Variants in CENPE observed in about 807,000 individuals in gnomAD.
CENPE encodes centromere protein E.
A neutral mutation model predicts 336.1 loss-of-function variants in CENPE; 145 were observed. The observed-to-expected ratio is 0.43, with a 90% CI of 0.38 to 0.50. CENPE has a LOEUF of 0.50. CENPE is among the 20% of genes least tolerant of loss of function. CENPE has a pLI of 0.00. For synonymous variants in CENPE, 1,013 were observed against 984.8 expected (o/e 1.03, Z -0.54); for missense variants, 2,719 against 3,023.3 (o/e 0.90, Z 2.36).
chr4:103,160,495 C>G (rs1754345898), intron 21 of CENPE, 130 bp downstream of exon 21: 2 of 626,924 alleles, frequency 3.2e-6, no homozygotes, highest in Non-Finnish European at 5.3e-6. Context: ...CTATTTCTAA[C>G]TAGTCAAAAC....
intron 9 of CENPE, among the ~76,000 whole-genome samples, chr4:103,184,336 G>A (rs924180350): frequency 6.6e-6 from 1 of 152,184 alleles, no homozygotes; most frequent in African/African-American, 2.4e-5. Context: ...GCAGGTGCAA[G>A]CTAAACCATT....
chr4:103,176,881 C>G lies in CENPE; in HGVS notation c.1390+18G>C. The G allele has an allele frequency of 6.5e-7, 1 of 1,543,480 alleles. No individual in the cohort carries two copies. On this transcript the variant is annotated intron_variant, in intron 14 of 48. Coordinates refer to ENST00000265148, the MANE Select transcript of CENPE (RefSeq NM_001813.3). Reference sequence around the variant, plus strand: ...GCTTTTATAATTAAACATAGTTCCACTTGAAAAAAGCACTCACATTCATCA... The same window carrying G: ...GCTTTTATAATTAAACATAGTTCCAGTTGAAAAAAGCACTCACATTCATCA...
In CENPE at chr4:103,196,037, A is replaced by G; in HGVS notation, c.240T>C (p.Gly80=). 1 of 1,609,550 alleles carries G rather than the reference A, an allele frequency of 6.2e-7. No homozygotes were observed. The highest frequency in any genetic ancestry group is 8.5e-7 in the Non-Finnish European group (1 of 1,175,910). ...CAGTCTGTCCATAGGCAAATATAGTACCTGCAAAAAACAAAACACACATAC... is the reference window on the plus strand; with the variant it reads ...CAGTCTGTCCATAGGCAAATATAGTGCCTGCAAAAAACAAAACACACATAC... ...IIDSAIQGYN[G]TIFAYGQTAS... Residue 80 remains glycine (G), a splice_region_variant and synonymous_variant, in exon 4 of 49, where the codon GGT becomes GGC. Transcript: ENST00000265148.
At chr4:103,111,061 G>C in intron 46 of CENPE, 50 bp from the exon 47 acceptor site, 1 of 1,351,918 alleles carries the variant, frequency 7.4e-7, no homozygotes, top group Non-Finnish European at 1.0e-6. Flanking sequence ...TGTCTCCAAA[G>C]TTCAAAATAA....
chr4:103,145,286 T>C lies in CENPE; in HGVS notation c.4621A>G (p.Ser1541Gly), dbSNP rs1229860087. The C allele has an allele frequency of 3.8e-6, 6 of 1,598,880 alleles. No individual in the cohort carries two copies. Among genetic ancestry groups the C allele is most frequent in the Admixed American group, 3.4e-5 (2 of 59,282 alleles). Reference sequence around the variant, plus strand: ...TCATTCACTTTTTCCTGAACCTCACTAATTTGTTTTATATTAAATTGTTCC... The same window carrying C: ...TCATTCACTTTTTCCTGAACCTCACCAATTTGTTTTATATTAAATTGTTCC... The part of the protein sequence containing the change: ...KEEQFNIKQI[S>G]EVQEKVNELK... The change falls in exon 32 of 49, where the codon AGT becomes GGT. Residue 1541 changes from serine to glycine, a missense_variant. Physicochemically the swap from Ser to Gly is moderately conservative, Grantham distance 56. Transcript: ENST00000265148.
intron 16 of CENPE, among the ~76,000 whole-genome samples, chr4:103,174,260 C>T (rs1157529446): frequency 6.6e-6 from 1 of 151,766 alleles, no homozygotes; most frequent in East Asian, 1.9e-4. Context: ...ACAAATACTG[C>T]ATGATCTCAC....
intron 39 of CENPE, 32 bp downstream of exon 39, chr4:103,138,319 A>T (rs774381613): frequency 2.1e-6 from 3 of 1,418,152 alleles, no homozygotes. Context: ...GACAACCAAT[A>T]ATCATTTGTA....
chr4:103,145,592 T>G lies in CENPE; in HGVS notation c.4503A>C (p.Ser1501=). 1 of 1,611,276 alleles carries G rather than the reference T, an allele frequency of 6.2e-7. No individual in the cohort carries two copies. Among genetic ancestry groups the G allele is most frequent in the East Asian group, 2.2e-5 (1 of 44,744 alleles). The change falls in exon 31 of 49, where the codon TCA becomes TCC. Residue 1501 remains serine, a synonymous_variant. Coordinates refer to ENST00000265148, the MANE Select transcript of CENPE (RefSeq NM_001813.3). ...TGGTTGATATTTCAGTTTCCTTCTC[T>G]GAAAGATTCACTCTTAACTCATTAA... ...ETINELRVNL[S]EKETEISTIQ...
intron 16 of CENPE, among the ~76,000 whole-genome samples, chr4:103,171,570 A>G (rs556025736): frequency 2.1e-4 from 32 of 152,090 alleles, no homozygotes; most frequent in African/African-American, 7.5e-4. Flanking sequence ...GAGGAAAGAA[A>G]TCAAACTACC....
Position 103,161,459 on chromosome 4 carries a change from T to C in CENPE, c.1843-2A>G. On this transcript the variant is annotated splice_acceptor_variant, in intron 18 of 48. Coordinates refer to ENST00000265148, the MANE Select transcript of CENPE (RefSeq NM_001813.3). LOFTEE classifies it high-confidence loss of function. ...TTGTTTTGGGTCTTCAATGCTTTCCTAGACAGATGACAAAAGGGGTTCACT... is the reference window on the plus strand; with the variant it reads ...TTGTTTTGGGTCTTCAATGCTTTCCCAGACAGATGACAAAAGGGGTTCACT... 1 of 1,578,752 alleles carries C rather than the reference T, an allele frequency of 6.3e-7. No individual in the cohort carries two copies. Among genetic ancestry groups the C allele is most frequent in the South Asian group, 1.2e-5 (1 of 82,966 alleles).
intron 8 of CENPE, among the ~76,000 whole-genome samples, chr4:103,186,433 T>C (rs115383008): frequency 0.011 from 1,664 of 152,346 alleles, 23 homozygotes; most frequent in African/African-American, 0.034. Context: ...ACATGACTTA[T>C]AGATACGACT....
intron 46 of CENPE, among the ~76,000 whole-genome samples, chr4:103,113,340 A>G (rs1431701103): frequency 1.4e-5 from 2 of 143,422 alleles, no homozygotes; most frequent in African/African-American, 5.0e-5. Flanking sequence ...GTATGAGTAT[A>G]TAAGTACATA....
chr4:103,198,271 T>C lies in CENPE; in HGVS notation c.49A>G (p.Asn17Asp), dbSNP rs1757897405. ...VAVCVRVRPLNSREESLGETA... is the reference protein window; with the variant it reads ...VAVCVRVRPLDSREESLGETA... The stretch of plus-strand genomic sequence containing the variant: ...GTGGTGTGGCCCCCCTACCTGCTGT[T>C]CAGCGGCCGCACTCGCACGCAGACG... Residue 17 changes from asparagine (N) to aspartate (D), a missense_variant, in exon 1 of 49, where the codon AAC becomes GAC. Physicochemically the swap from Asn to Asp is conservative, Grantham distance 23. Transcript: ENST00000265148. The C allele has an allele frequency of 3.2e-6, 5 of 1,550,648 alleles. No individual in the cohort carries two copies. The East Asian group carries it at 9.8e-5, about 30-fold the overall frequency.
chr4:103,106,080 C>A lies in CENPE; in HGVS notation c.*142G>T, dbSNP rs1436939956. On this transcript the variant is annotated 3_prime_UTR_variant, in exon 49 of 49. Transcript: ENST00000265148. Reference sequence around the variant, plus strand: ...CCACAATGCATTCATTTCCTGTTCCCTTATCTTTCAACTCTAGTGGCAAAG... The same window carrying A: ...CCACAATGCATTCATTTCCTGTTCCATTATCTTTCAACTCTAGTGGCAAAG... 4.5e-6 allele frequency: 2 copies of A among 441,938 alleles called. No homozygotes were observed. The highest frequency in any genetic ancestry group is 7.9e-6 in the Non-Finnish European group (2 of 253,354). 27.4% of individuals were successfully genotyped at this position (441,938 alleles called of 1,614,324 possible). A position where few individuals can be genotyped will look rare whatever the true frequency, so the allele number is the denominator to read the frequency against.
intron 28 of CENPE, among the ~76,000 whole-genome samples, chr4:103,147,980 C>G (rs944749115): frequency 1.3e-5 from 2 of 152,094 alleles, no homozygotes; most frequent in African/African-American, 4.8e-5. Context: ...AGGTGTGAGC[C>G]ACCGCATCCC....
intron 33 of CENPE, among the ~76,000 whole-genome samples, chr4:103,144,055 G>A: frequency 6.6e-6 from 1 of 152,042 alleles, no homozygotes; most frequent in East Asian, 1.9e-4. Flanking sequence ...TCCTGTCTCA[G>A]CCTCCCAAGT....
chr4:103,176,645 C>T (rs1182724249), intron 14 of CENPE, among the ~76,000 whole-genome samples: 2 of 152,054 alleles, frequency 1.3e-5, no homozygotes, highest in South Asian at 2.1e-4. Flanking sequence ...CTGCAAGCTC[C>T]GCCTCCCAGG....
At chr4:103,152,977 T>A in intron 25 of CENPE, 70 bp downstream of exon 25, 4 of 1,133,668 alleles carry the variant, frequency 3.5e-6, no homozygotes, top group Non-Finnish European at 5.1e-6. Context: ...TATACCTCAA[T>A]AAAGTTGATA....
Position 103,122,854 on chromosome 4 carries a change from T to A in CENPE, c.7143+17A>T, listed in dbSNP as rs1750759009. On this transcript the variant is annotated intron_variant, in intron 43 of 48. Transcript: ENST00000265148. The stretch of plus-strand genomic sequence containing the variant: ...TGAAGCTGCAAACTGAAGAACATTT[T>A]ATAAGAAATTATATACCTCTGTGGT... 6.3e-7 allele frequency: 1 copy of A among 1,578,574 alleles called. No individual in the cohort carries two copies. The highest frequency in any genetic ancestry group is 1.1e-5 in the South Asian group (1 of 89,418).
Sources: allele counts gnomAD v4.1 joint callset (sites outside exome capture counted in the v4.1 genomes callset), GRCh38; gene constraint gnomAD v4.1.1; transcripts MANE v1.5; gene names NCBI Gene and HGNC (gene_info 2026-07-23, HGNC 2026-07-21).